DPYD: variants seen among roughly 807,000 people sequenced by gnomAD.
DPYD encodes the protein dihydropyrimidine dehydrogenase [NADP(+)].
Under a neutral mutation model 116.2 loss-of-function variants are expected in DPYD, and 109 were observed. The observed-to-expected ratio is 0.94, with a 90% CI of 0.80 to 1.10. The LOEUF (loss-of-function observed/expected upper bound fraction) is 1.10, where lower values mean the gene tolerates loss of function less well. Among genes scored for constraint, DPYD ranks in the 50% least tolerant of loss-of-function variants. The pLI is 0.00. For missense variants in DPYD, 1,302 were observed against 1,254.5 expected, an observed-to-expected ratio of 1.04 and a Z score of -0.57; for synonymous variants, 440 against 432.0, an observed-to-expected ratio of 1.02 and a Z score of -0.23.
intron 19 of DPYD, among the ~76,000 whole-genome samples, chr1:97,196,873 C>T (rs1035576746): frequency 2.6e-5 from 4 of 152,118 alleles, no homozygotes; most frequent in African/African-American, 4.8e-5. Context: ...CAAATGCATA[C>T]GTTTTTAAAA....
chr1:97,287,492 T>A (rs1665781709), intron 18 of DPYD, among the ~76,000 whole-genome samples: 2 of 152,188 alleles, frequency 1.3e-5, no homozygotes, highest in Admixed American at 6.5e-5. Context: ...CTGCAGAGGT[T>A]ACTGCTGTCT....
At chr1:97,614,136 AT>A (rs1249618599) in intron 8 of DPYD, among the ~76,000 whole-genome samples, 3 of 152,060 alleles carry the variant, frequency 2.0e-5, no homozygotes, top group Admixed American at 6.6e-5. Context: ...TTTATTAAAA[AT>A]TTTTTAAAGT....
At chr1:97,744,286 T>C (rs1280346617) in intron 3 of DPYD, among the ~76,000 whole-genome samples, 3 of 151,990 alleles carry the variant, frequency 2.0e-5, no homozygotes, top group Non-Finnish European at 4.4e-5. Flanking sequence ...TTATAGTGAG[T>C]AATGAAACAA....
intron 8 of DPYD, among the ~76,000 whole-genome samples, chr1:97,614,990 T>G (rs1316906373): frequency 6.6e-6 from 1 of 152,132 alleles, no homozygotes; most frequent in East Asian, 1.9e-4. Context: ...ATATCTAGTT[T>G]TTCATATATG....
intron 8 of DPYD, among the ~76,000 whole-genome samples, chr1:97,601,316 TA>T (rs1299333507): frequency 1.3e-5 from 2 of 151,954 alleles, no homozygotes; most frequent in Admixed American, 1.3e-4. Flanking sequence ...TGGTAAAATA[TA>T]AAAACTATGG....
chr1:97,497,459 T>G (rs1447835764), intron 13 of DPYD, among the ~76,000 whole-genome samples: 1 of 151,832 alleles, frequency 6.6e-6, no homozygotes, highest in East Asian at 1.9e-4. Context: ...GACCACACTT[T>G]CTGAATAAGG....
intron 22 of DPYD, among the ~76,000 whole-genome samples, chr1:97,081,776 A>G (rs1056039645): frequency 6.7e-6 from 1 of 149,072 alleles, no homozygotes; most frequent in Non-Finnish European, 1.5e-5. Flanking sequence ...GGAGCTGGAA[A>G]GTAGCTATGG....
intron 2 of DPYD, among the ~76,000 whole-genome samples, chr1:97,840,713 G>C (rs1669996627): frequency 6.6e-6 from 1 of 152,092 alleles, no homozygotes; most frequent in Non-Finnish European, 1.5e-5. Flanking sequence ...GCAGAAGCAT[G>C]AGGGGATTTC....
intron 12 of DPYD, chr1:97,547,068 G>A (rs1286181442): frequency 1.9e-6 from 2 of 1,046,598 alleles, no homozygotes; most frequent in Admixed American, 1.7e-5. Context: ...GTTGAGGGAG[G>A]TGTAGTTTTT....
chr1:97,393,404 A>G (rs1314810747), intron 14 of DPYD, among the ~76,000 whole-genome samples: 1 of 151,610 alleles, frequency 6.6e-6, no homozygotes, highest in East Asian at 1.9e-4. Flanking sequence ...TTAACTCGTC[A>G]TTTACATTAG....
intron 3 of DPYD, among the ~76,000 whole-genome samples, chr1:97,827,351 A>G (rs1440565905): frequency 6.6e-6 from 1 of 152,066 alleles, no homozygotes; most frequent in African/African-American, 2.4e-5. Context: ...AAATTATGCT[A>G]CTCAAATATT....
intron 21 of DPYD, among the ~76,000 whole-genome samples, chr1:97,092,680 C>T (rs1446102283): frequency 1.3e-5 from 2 of 152,058 alleles, no homozygotes; most frequent in South Asian, 2.1e-4. Context: ...AGCATAGGCC[C>T]ATAATTCCTT....
intron 4 of DPYD, among the ~76,000 whole-genome samples, chr1:97,733,460 G>A (rs1189375997): frequency 6.6e-6 from 1 of 151,820 alleles, no homozygotes; most frequent in Non-Finnish European, 1.5e-5. Context: ...TCTAAAAGTA[G>A]TGTCATACTA....
At chr1:97,629,023 G>A (rs1038580922) in intron 8 of DPYD, among the ~76,000 whole-genome samples, 2 of 152,032 alleles carry the variant, frequency 1.3e-5, no homozygotes, top group Non-Finnish European at 2.9e-5. Flanking sequence ...AGCAGGACTA[G>A]GTGAGTCCCT....
At chr1:97,767,549 C>T (rs1030755279) in intron 3 of DPYD, among the ~76,000 whole-genome samples, 10 of 152,170 alleles carry the variant, frequency 6.6e-5, no homozygotes, top group Non-Finnish European at 8.8e-5. Flanking sequence ...ATTTGTCTGA[C>T]GGAGGATGAG....
At chr1:97,601,731 T>C (rs1025688447) in intron 8 of DPYD, among the ~76,000 whole-genome samples, 6 of 152,028 alleles carry the variant, frequency 3.9e-5, no homozygotes, top group African/African-American at 1.4e-4. Context: ...AATAGATCAA[T>C]GATGGCCTAT....
chr1:97,195,508 G>T, intron 19 of DPYD, among the ~76,000 whole-genome samples: 1 of 102,178 alleles, frequency 9.8e-6, no homozygotes, highest in Non-Finnish European at 1.9e-5. Context: ...CCAGAATGGG[G>T]AATGGGATAA....
Position 97,219,412 on chromosome 1 carries a change from A to G in DPYD, c.2442+15440T>C, listed in dbSNP as rs146963371. On this transcript the variant is annotated intron_variant, in intron 19 of 22. Coordinates refer to ENST00000370192, the MANE Select transcript of DPYD (RefSeq NM_000110.4). Reference sequence around the variant, plus strand: ...CTGGAAAGAGATGTGTGTTAGTCTGATTTTTGCATTAATATTTAATAATGT... The same window carrying G: ...CTGGAAAGAGATGTGTGTTAGTCTGGTTTTTGCATTAATATTTAATAATGT... Among the ~76,000 whole-genome samples the G allele has an allele frequency of 1.5e-3, 232 of 152,278 alleles. 1 individual carries two copies. Among genetic ancestry groups the G allele is most frequent in the Admixed American group, 4.4e-3 (67 of 15,294 alleles).
At chr1:97,085,247 G>C (rs1342972805) in intron 21 of DPYD, among the ~76,000 whole-genome samples, 1 of 152,146 alleles carries the variant, frequency 6.6e-6, no homozygotes, top group Non-Finnish European at 1.5e-5. Flanking sequence ...ATATTCAAAT[G>C]ATGATTATAC....
Sources: gnomAD v4.1 joint callset for allele counts (sites outside exome capture counted in the v4.1 genomes callset) on GRCh38, gnomAD v4.1.1 for gene constraint, MANE v1.5 for transcripts, NCBI Gene and HGNC (gene_info 2026-07-23, HGNC 2026-07-21) for gene names.